The following AMN variants were observed in gnomAD, a reference collection of about 807,000 sequenced individuals.
AMN encodes amnion associated transmembrane protein.
Under a neutral mutation model 49.1 loss-of-function variants are expected in AMN, and 40 were observed. The ratio of observed to expected loss-of-function variants is 0.81; its 90% CI spans 0.63 to 1.06. The LOEUF is 1.06. AMN is among the 50% of genes least tolerant of loss of function. The pLI is 0.00. For synonymous variants in AMN, 380 were observed against 313.3 expected, an observed-to-expected ratio of 1.21 and a Z score of -2.25; for missense variants, 701 against 662.8, an observed-to-expected ratio of 1.06 and a Z score of -0.63.
In AMN at chr14:102,928,885, C is replaced by T. The variant is rs2139309288; in HGVS notation, c.423C>T (p.Asp141=). Reference sequence around the variant, plus strand: ...AGCGCGTGCCCTGCCGCCACGACGACGTCTTCTTTCCGCCTAGTGCCTCCT... The same window carrying T: ...AGCGCGTGCCCTGCCGCCACGACGATGTCTTCTTTCCGCCTAGTGCCTCCT... ...DAERVPCRHD[D]VFFPPSASFR... Residue 141 remains aspartate (D), a synonymous_variant, in exon 5 of 12, where the codon GAC becomes GAT. Transcript: ENST00000299155. 6.2e-7 allele frequency: 1 copy of T among 1,603,920 alleles called. No individual in the cohort carries two copies.
intron 1 of AMN, chr14:102,923,026 G>A: frequency 2.3e-6 from 1 of 437,532 alleles, no homozygotes; most frequent in Non-Finnish European, 4.2e-6. Flanking sequence ...CTGCGAAATG[G>A]GCGCGGTCCC....
intron 3 of AMN, among the ~76,000 whole-genome samples, chr14:102,927,315 C>T (rs1891209967): frequency 6.6e-6 from 1 of 152,224 alleles, no homozygotes; most frequent in Non-Finnish European, 1.5e-5. Flanking sequence ...TCTCAAACTC[C>T]TGGCCTTACC....
At position 102,929,466 on chromosome 14, in the gene AMN, G is replaced by C; in HGVS notation, c.690G>C (p.Leu230=). ...PWICAALLQP[L]GGRCPQAACH... Reference sequence around the variant, plus strand: ...TCTGCGCGGCCCTGCTCCAGCCCCTGGGCGGCCGCTGCCCCCAGGCCGCCT... The same window carrying C: ...TCTGCGCGGCCCTGCTCCAGCCCCTCGGCGGCCGCTGCCCCCAGGCCGCCT... Residue 230 remains leucine (L), a synonymous_variant, in exon 7 of 12, where the codon CTG becomes CTC. Transcript: ENST00000299155. The C allele has an allele frequency of 6.5e-7, 1 of 1,531,410 alleles. No individual in the cohort carries two copies. The highest frequency in any genetic ancestry group is 8.7e-7 in the Non-Finnish European group (1 of 1,145,170). 94.9% of individuals were successfully genotyped at this position (1,531,410 alleles called of 1,614,324 possible).
chr14:102,922,857 T>TG lies in AMN; in HGVS notation c.43+131dup, dbSNP rs1024302338. On this transcript the variant is annotated intron_variant, in intron 1 of 11. Transcript: ENST00000299155. Reference sequence around the variant, plus strand: ...GTGGGCAGGGAGGGCTTTGGAGGGTTGGGGGCGTGAAACTCGGCCCTGCCT... The same window carrying TG: ...GTGGGCAGGGAGGGCTTTGGAGGGTTGGGGGGCGTGAAACTCGGCCCTGCCT... 1.9e-4 allele frequency: 260 copies of TG among 1,351,830 alleles called. 1 individual carries two copies. In the Middle Eastern group the frequency reaches 5.0e-3, roughly 26 times the overall value. The allele number at this position is 1,351,830 out of a possible 1,614,324, so 83.7% of individuals were successfully genotyped here.
Position 102,930,135 on chromosome 14 carries a change from G to C in AMN, c.1007-30G>C, listed in dbSNP as rs780881276. On this transcript the variant is annotated intron_variant, in intron 9 of 11. Coordinates refer to ENST00000299155, the MANE Select transcript of AMN (RefSeq NM_030943.4). ...CCCCGCCGCGCCTCGCCCCGCCGCG[G>C]GGAAGACTGAGCCGGCCCCTCCGTC... 14 of 1,502,736 alleles carry C rather than the reference G, an allele frequency of 9.3e-6. No homozygotes were observed. In the South Asian group the frequency reaches 1.5e-4, roughly 16 times the overall value. The allele number at this position is 1,502,736 out of a possible 1,614,324, so 93.1% of individuals were successfully genotyped here.
rs762625919 is a variant in AMN, at chr14:102,929,098, G to A, written c.514-23G>A. ...GAAGTCTCTTCCTCGGGCTGGCTCC[G>A]GTGGGGACCCGGCTGCCCGCAGACG... On this transcript the variant is annotated intron_variant, in intron 5 of 11. Coordinates refer to ENST00000299155, the MANE Select transcript of AMN (RefSeq NM_030943.4). 7.8e-5 allele frequency: 125 copies of A among 1,597,516 alleles called. No homozygotes were observed. The South Asian group carries it at 1.2e-3, about 16-fold the overall frequency.
At chr14:102,928,589 G>A in intron 4 of AMN, 76 bp downstream of exon 4, 7 of 1,527,504 alleles carry the variant, frequency 4.6e-6, no homozygotes, top group Admixed American at 1.9e-5. Flanking sequence ...GCGCGTCGAG[G>A]GGGGCGAGGA....
At chr14:102,927,580 C>T (rs1005469858) in intron 3 of AMN, among the ~76,000 whole-genome samples, 8 of 152,224 alleles carry the variant, frequency 5.3e-5, no homozygotes, top group African/African-American at 1.9e-4. Flanking sequence ...TGGCCTCTTG[C>T]TCAGGTGCAG....
intron 3 of AMN, among the ~76,000 whole-genome samples, chr14:102,926,099 C>T (rs776977980): frequency 3.3e-5 from 5 of 152,242 alleles, no homozygotes; most frequent in Non-Finnish European, 7.3e-5. Context: ...TGCAAGTCTG[C>T]TCACTGTGGA....
At position 102,924,490 on chromosome 14, in the gene AMN, G is replaced by A. The variant is rs534433138; in HGVS notation, c.207+511G>A. Among the ~76,000 whole-genome samples, 343 of 152,280 alleles carry A rather than the reference G, an allele frequency of 2.3e-3. 1 individual carries two copies. The highest frequency in any genetic ancestry group is 7.5e-3 in the African/African-American group (313 of 41,560). ...GGACCCCTATTGTCACTGCGCCAGCGAGGGGCCTGGGTGGGTGTGCACTCC... is the reference window on the plus strand; with the variant it reads ...GGACCCCTATTGTCACTGCGCCAGCAAGGGGCCTGGGTGGGTGTGCACTCC... On this transcript the variant is annotated intron_variant, in intron 3 of 11. Coordinates refer to ENST00000299155, the MANE Select transcript of AMN (RefSeq NM_030943.4).
intron 1 of AMN, 132 bp from the exon 2 acceptor site, chr14:102,923,579 C>T (rs540779032): frequency 3.5e-6 from 3 of 865,282 alleles, no homozygotes; most frequent in East Asian, 2.5e-5. Context: ...TGGGTCCGGG[C>T]CCCCGGGGAT....
Position 102,930,581 on chromosome 14 carries a change from G to T in AMN, c.1263G>T (p.Leu421=). The T allele has an allele frequency of 1.3e-6, 2 of 1,577,456 alleles. No homozygotes were observed. The highest frequency in any genetic ancestry group is 1.7e-6 in the Non-Finnish European group (2 of 1,163,586). ...FDVTASEELP[L]PRRLSLVPKA... Reference sequence around the variant, plus strand: ...CTGACCCTGTCACCCCGCAGCCCCTGCCGCGGCGGCTCAGCCTGGTTCCGA... The same window carrying T: ...CTGACCCTGTCACCCCGCAGCCCCTTCCGCGGCGGCTCAGCCTGGTTCCGA... The change falls in exon 12 of 12, where the codon CTG becomes CTT. Residue 421 remains leucine, a synonymous_variant. Transcript: ENST00000299155.
intron 3 of AMN, among the ~76,000 whole-genome samples, chr14:102,927,243 CCT>C (rs1359874041): frequency 6.6e-6 from 1 of 152,120 alleles, no homozygotes; most frequent in Admixed American, 6.5e-5. Flanking sequence ...AAAATTATAT[CCT>C]CTTTTTATTT....
rs1272083499 is a variant in AMN, at chr14:102,930,640, T to C, written c.1322T>C (p.Phe441Ser). 1 of 1,600,766 alleles carries C rather than the reference T, an allele frequency of 6.2e-7. No homozygotes were observed. The highest frequency in any genetic ancestry group is 8.5e-7 in the Non-Finnish European group (1 of 1,175,038). ...GCAGACAGCACCAGCCACAGTTACT[T>C]CGTCAACCCTCTGTTCGCCGGGGCC... Reference protein sequence around the residue: ...AAADSTSHSYFVNPLFAGAEA... With the variant: ...AAADSTSHSYSVNPLFAGAEA... Residue 441 changes from phenylalanine to serine, a missense_variant, in exon 12 of 12, where the codon TTC becomes TCC. Physicochemically the swap from Phe to Ser is radical, Grantham distance 155 (BLOSUM62 -2). Coordinates refer to ENST00000299155, the MANE Select transcript of AMN (RefSeq NM_030943.4).
chr14:102,922,845 G>A (rs1595429752), intron 1 of AMN, 114 bp downstream of exon 1: 2 of 1,416,328 alleles, frequency 1.4e-6, no homozygotes, highest in Non-Finnish European at 9.5e-7. Flanking sequence ...GGCAGGGAGG[G>A]CTTTGGAGGG....
intron 5 of AMN, 25 bp downstream of exon 5, chr14:102,929,000 C>G (rs373797405): frequency 6.3e-7 from 1 of 1,595,874 alleles, no homozygotes; most frequent in Non-Finnish European, 8.5e-7. Context: ...GAGGGAGGCT[C>G]GGGTCCCCTC....
chr14:102,929,290 C>T (rs1891272323), intron 6 of AMN, 32 bp downstream of exon 6: 1 of 1,432,296 alleles, frequency 7.0e-7, no homozygotes, highest in African/African-American at 1.5e-5. Flanking sequence ...TCGCGGGGGC[C>T]GCGCGAGGGT....
chr14:102,928,489 G>C lies in AMN; in HGVS notation c.271G>C (p.Gly91Arg), dbSNP rs1891239512. 1 of 1,609,352 alleles carries C rather than the reference G, an allele frequency of 6.2e-7. No homozygotes were observed. Among genetic ancestry groups the C allele is most frequent in the Admixed American group, 1.7e-5 (1 of 59,864 alleles). The change falls in exon 4 of 12, where the codon GGC becomes CGC. Residue 91 changes from glycine (G) to arginine (R), a missense_variant. By Grantham distance (125) the Gly-to-Arg change is moderately radical. Transcript: ENST00000299155. ...AGCCGGATTCGGCGTCTCAGACGTGGGCTCGCACCTGGACTGTGGCGCGGG... is the reference window on the plus strand; with the variant it reads ...AGCCGGATTCGGCGTCTCAGACGTGCGCTCGCACCTGGACTGTGGCGCGGG... The part of the protein sequence containing the change: ...SGAGFGVSDV[G>R]SHLDCGAGEP...
Position 102,930,615 on chromosome 14 carries a change from G to C in AMN, c.1297G>C (p.Ala433Pro). 6.3e-7 allele frequency: 1 copy of C among 1,593,212 alleles called. No homozygotes were observed. Among genetic ancestry groups the C allele is most frequent in the Admixed American group, 1.7e-5 (1 of 57,564 alleles). The change falls in exon 12 of 12, where the codon GCA (alanine) becomes CCA (proline). Residue 433 changes from alanine to proline, a missense_variant. By Grantham distance (27) the Ala-to-Pro change is conservative. Coordinates refer to ENST00000299155, the MANE Select transcript of AMN (RefSeq NM_030943.4). ...GCTCAGCCTGGTTCCGAAGGCGGCC[G>C]CAGACAGCACCAGCCACAGTTACTT... The part of the protein sequence containing the change: ...RRLSLVPKAA[A>P]DSTSHSYFVN...
Sources: allele counts gnomAD v4.1 joint callset (sites outside exome capture counted in the v4.1 genomes callset), GRCh38; gene constraint gnomAD v4.1.1; transcripts MANE v1.5; gene names NCBI Gene and HGNC (gene_info 2026-07-23, HGNC 2026-07-21).